The following LYNX1 variants were observed in gnomAD, a reference collection of about 807,000 sequenced individuals.
The protein encoded by LYNX1 is Ly6/neurotoxin 1, also known as ly-6/neurotoxin-like protein 1.
A neutral mutation model predicts 8.3 loss-of-function variants in LYNX1; 8 were observed. The observed-to-expected ratio is 0.97, with a 90% CI of 0.57 to 1.74. The LOEUF (loss-of-function observed/expected upper bound fraction) is 1.74, where lower values mean the gene tolerates loss of function less well. LYNX1 is among the 40% of genes most tolerant of loss of function. The pLI is 0.00. For synonymous variants in LYNX1, 73 were observed against 67.9 expected (o/e 1.08, Z -0.37); for missense variants, 158 against 159.7 (o/e 0.99, Z 0.06).
In LYNX1 at chr8:142,774,150, C is replaced by CGG; in HGVS notation, c.*1016_*1017insCC. On this transcript the variant is annotated 3_prime_UTR_variant, in exon 4 of 4. Coordinates refer to ENST00000652477, the MANE Select transcript of LYNX1 (RefSeq NM_177477.4). ...GGGGGAGGGGCTGGGTCTCCGCCCT[C>CGG]CCCACCCCACCCTCCCCACTCCCGC... is the stretch of plus-strand genomic sequence containing the variant. 7.2e-5 allele frequency: 24 copies of CGG among 332,690 alleles called. No individual in the cohort carries two copies. The highest frequency in any genetic ancestry group is 1.3e-4 in the South Asian group (1 of 7,426). 20.6% of individuals were successfully genotyped at this position (332,690 alleles called of 1,614,324 possible). A position where few individuals can be genotyped will look rare whatever the true frequency, so the allele number is the denominator to read the frequency against.
Position 142,772,798 on chromosome 8 carries a change from G to A in LYNX1, c.*2369C>T. The A allele has an allele frequency of 1.0e-6, 1 of 985,674 alleles. No individual in the cohort carries two copies. Among genetic ancestry groups the A allele is most frequent in the Non-Finnish European group, 1.2e-6 (1 of 830,076 alleles). 61.1% of individuals were successfully genotyped at this position (985,674 alleles called of 1,614,324 possible). A position where few individuals can be genotyped will look rare whatever the true frequency, so the allele number is the denominator to read the frequency against. On this transcript the variant is annotated 3_prime_UTR_variant, in exon 4 of 4. Transcript: ENST00000652477. ...TGGGCCTGCCCAGCATTAGCTGAGT[G>A]CCTTCTGTGTGCTCTACGCCAGGTG...
At position 142,771,679 on chromosome 8, in the gene LYNX1, C is replaced by T. The variant is rs1025998705; in HGVS notation, c.*3488G>A. 2.3e-5 allele frequency: 23 copies of T among 985,852 alleles called. No individual in the cohort carries two copies. The African/African-American group carries it at 4.0e-4, about 17-fold the overall frequency. 61.1% of individuals were successfully genotyped at this position (985,852 alleles called of 1,614,324 possible). On this transcript the variant is annotated 3_prime_UTR_variant, in exon 4 of 4. Transcript: ENST00000652477. ...AGCACCGGCAGAAAAGCTGGCATAT[C>T]CACCGAGGGCCTCTCTGCTTCTTTT...
At position 142,771,505 on chromosome 8, in the gene LYNX1, G is replaced by T. The variant is rs1815175631; in HGVS notation, c.*3662C>A. The T allele has an allele frequency of 1.0e-6, 1 of 985,474 alleles. No homozygotes were observed. The highest frequency in any genetic ancestry group is 1.7e-5 in the African/African-American group (1 of 57,354). 61.0% of individuals were successfully genotyped at this position (985,474 alleles called of 1,614,324 possible). On this transcript the variant is annotated 3_prime_UTR_variant, in exon 4 of 4. Transcript: ENST00000652477. ...CCCCGTGTGTCTCTCGGGCTGCCCAGGTGGCTCTGTCCACCCTTCTGTCTG... is the reference window on the plus strand; with the variant it reads ...CCCCGTGTGTCTCTCGGGCTGCCCATGTGGCTCTGTCCACCCTTCTGTCTG...
rs1563837844 is a variant in LYNX1 at position 142,773,339 on chromosome 8, C to G, written c.*1828G>C. 3.0e-6 allele frequency: 3 copies of G among 985,534 alleles called. No individual in the cohort carries two copies. In the African/African-American group the frequency reaches 5.2e-5, roughly 17 times the overall value. 61.0% of individuals were successfully genotyped at this position (985,534 alleles called of 1,614,324 possible). On this transcript the variant is annotated 3_prime_UTR_variant, in exon 4 of 4. Transcript: ENST00000652477. ...GTCCTGCTCTCCAGGCTTAGGGCTACAGCCACAACCACTGGGGGTAGGGGC... is the reference window on the plus strand; with the variant it reads ...GTCCTGCTCTCCAGGCTTAGGGCTAGAGCCACAACCACTGGGGGTAGGGGC...
rs373637760 is a variant in LYNX1 at position 142,775,701 on chromosome 8, T to C, written c.53-7A>G. On this transcript the variant is annotated splice_polypyrimidine_tract_variant and splice_region_variant and intron_variant, in intron 2 of 3. Transcript: ENST00000652477. The stretch of plus-strand genomic sequence containing the variant: ...TGGCAGTCCAAGGCCTGGGCTGGGG[T>C]TGGCAGATGGGCGGGAAGGGAACGG... 5.7e-6 allele frequency: 9 copies of C among 1,588,634 alleles called. No individual in the cohort carries two copies. In the African/African-American group the frequency reaches 1.1e-4, roughly 19 times the overall value.
Position 142,771,621 on chromosome 8 carries a change from G to T in LYNX1, c.*3546C>A, listed in dbSNP as rs1815180765. Reference sequence around the variant, plus strand: ...CCCTCCCTGCGAGCTGAGGTTTGAAGAGGAGAGCAGACCACCCAGAGTAGT... The same window carrying T: ...CCCTCCCTGCGAGCTGAGGTTTGAATAGGAGAGCAGACCACCCAGAGTAGT... On this transcript the variant is annotated 3_prime_UTR_variant, in exon 4 of 4. Transcript: ENST00000652477. 1.0e-6 allele frequency: 1 copy of T among 985,776 alleles called. No homozygotes were observed. The highest frequency in any genetic ancestry group is 1.2e-6 in the Non-Finnish European group (1 of 829,970). 61.1% of individuals were successfully genotyped at this position (985,776 alleles called of 1,614,324 possible). A position where few individuals can be genotyped will look rare whatever the true frequency, so the allele number is the denominator to read the frequency against.
chr8:142,776,587 C>T (rs1815435146), intron 1 of LYNX1: 1 of 157,316 alleles, frequency 6.4e-6, no homozygotes, highest in African/African-American at 2.4e-5. Context: ...CTCTCTGCTC[C>T]TGGGGTGTCC....
At position 142,773,353 on chromosome 8, in the gene LYNX1, G is replaced by A; in HGVS notation, c.*1814C>T. On this transcript the variant is annotated 3_prime_UTR_variant, in exon 4 of 4. Coordinates refer to ENST00000652477, the MANE Select transcript of LYNX1 (RefSeq NM_177477.4). Reference sequence around the variant, plus strand: ...GCTTAGGGCTACAGCCACAACCACTGGGGGTAGGGGCGAGGGGAGTCCAGG... The same window carrying A: ...GCTTAGGGCTACAGCCACAACCACTAGGGGTAGGGGCGAGGGGAGTCCAGG... 4.1e-6 allele frequency: 4 copies of A among 985,700 alleles called. No homozygotes were observed. The highest frequency in any genetic ancestry group is 4.8e-6 in the Non-Finnish European group (4 of 830,166). 61.1% of individuals were successfully genotyped at this position (985,700 alleles called of 1,614,324 possible). A position where few individuals can be genotyped will look rare whatever the true frequency, so the allele number is the denominator to read the frequency against.
chr8:142,775,853 C>G, intron 2 of LYNX1, 53 bp downstream of exon 2: 2 of 1,607,628 alleles, frequency 1.2e-6, no homozygotes, highest in Non-Finnish European at 1.7e-6. Flanking sequence ...TACTGTCAGC[C>G]CATCTGCCCT....
upstream of LYNX1, among the ~76,000 whole-genome samples, chr8:142,777,526 C>T (rs868777349): frequency 4.6e-5 from 3 of 64,698 alleles, no homozygotes; most frequent in African/African-American, 1.8e-4. Context: ...ACCGCAGGCC[C>T]CGCCCCGGAC....
rs587648205 is a variant in LYNX1 at position 142,772,334 on chromosome 8, T to C, written c.*2833A>G. The C allele has an allele frequency of 2.0e-6, 2 of 985,680 alleles. No homozygotes were observed. Among genetic ancestry groups the C allele is most frequent in the South Asian group, 9.4e-5 (2 of 21,296 alleles). The allele number at this position is 985,680 out of a possible 1,614,324, so 61.1% of individuals were successfully genotyped here. A position where few individuals can be genotyped will look rare whatever the true frequency, so the allele number is the denominator to read the frequency against. The stretch of plus-strand genomic sequence containing the variant: ...CCTCTCCCCCTCTCCTCTGCCACTC[T>C]GCCCTGCACCCAGAGGCAGCGCTGG... On this transcript the variant is annotated 3_prime_UTR_variant, in exon 4 of 4. Coordinates refer to ENST00000652477, the MANE Select transcript of LYNX1 (RefSeq NM_177477.4).
At position 142,775,376 on chromosome 8, in the gene LYNX1, G is replaced by C; in HGVS notation, c.155-13C>G. Reference sequence around the variant, plus strand: ...GTGGGGGTGTAGTCTGCAGAGGGGCGGGGCGGTGAGCCAGCTCCGCTAAGA... The same window carrying C: ...GTGGGGGTGTAGTCTGCAGAGGGGCCGGGCGGTGAGCCAGCTCCGCTAAGA... On this transcript the variant is annotated splice_polypyrimidine_tract_variant and intron_variant, in intron 3 of 3. Coordinates refer to ENST00000652477, the MANE Select transcript of LYNX1 (RefSeq NM_177477.4). 1.2e-6 allele frequency: 2 copies of C among 1,610,840 alleles called. No individual in the cohort carries two copies. Among genetic ancestry groups the C allele is most frequent in the Middle Eastern group, 1.7e-4 (1 of 6,058 alleles).
Position 142,774,145 on chromosome 8 carries a change from G to GCCCGGGGC in LYNX1, c.*1021_*1022insGCCCCGGG. 3.1e-6 allele frequency: 3 copies of GCCCGGGGC among 981,822 alleles called. No individual in the cohort carries two copies. Among genetic ancestry groups the GCCCGGGGC allele is most frequent in the Non-Finnish European group, 3.6e-6 (3 of 827,958 alleles). 60.8% of individuals were successfully genotyped at this position (981,822 alleles called of 1,614,324 possible). ...GCTGCGGGGGAGGGGCTGGGTCTCC[G>GCCCGGGGC]CCCTCCCCACCCCACCCTCCCCACT... On this transcript the variant is annotated 3_prime_UTR_variant, in exon 4 of 4. Coordinates refer to ENST00000652477, the MANE Select transcript of LYNX1 (RefSeq NM_177477.4).
In LYNX1 at chr8:142,773,745, C is replaced by T. The variant is rs1209879002; in HGVS notation, c.*1422G>A. 2.5e-5 allele frequency: 25 copies of T among 985,222 alleles called. No individual in the cohort carries two copies. Among genetic ancestry groups the T allele is most frequent in the Admixed American group, 1.8e-4 (3 of 16,268 alleles). The allele number at this position is 985,222 out of a possible 1,614,324, so 61.0% of individuals were successfully genotyped here. On this transcript the variant is annotated 3_prime_UTR_variant, in exon 4 of 4. Transcript: ENST00000652477. Reference sequence around the variant, plus strand: ...AATTTCCAGCAGGGGCTCCCCTGACCAGGGCCATACTTTGGGGCCGGGACA... The same window carrying T: ...AATTTCCAGCAGGGGCTCCCCTGACTAGGGCCATACTTTGGGGCCGGGACA...
In LYNX1 at chr8:142,772,392, C is replaced by T. The variant is rs1815220624; in HGVS notation, c.*2775G>A. ...ACTCTACCACTCAGGGCTTCTCAAA[C>T]CTCTGGTTCCACTTTTCTCCTTTTA... is the stretch of plus-strand genomic sequence containing the variant. On this transcript the variant is annotated 3_prime_UTR_variant, in exon 4 of 4. Transcript: ENST00000652477. 3 of 985,420 alleles carry T rather than the reference C, an allele frequency of 3.0e-6. No homozygotes were observed. The South Asian group carries it at 1.4e-4, about 46-fold the overall frequency. The allele number at this position is 985,420 out of a possible 1,614,324, so 61.0% of individuals were successfully genotyped here.
chr8:142,774,318 G>C lies in LYNX1; in HGVS notation c.*849C>G, dbSNP rs1815309805. The stretch of plus-strand genomic sequence containing the variant: ...CCTTGCTCGGCTGGGTCCTGCTGTG[G>C]TTGGGGACCAGGACTCGGGGGACCA... On this transcript the variant is annotated 3_prime_UTR_variant, in exon 4 of 4. Coordinates refer to ENST00000652477, the MANE Select transcript of LYNX1 (RefSeq NM_177477.4). The C allele has an allele frequency of 2.0e-6, 2 of 985,852 alleles. No individual in the cohort carries two copies. Among genetic ancestry groups the C allele is most frequent in the Admixed American group, 6.1e-5 (1 of 16,284 alleles). The allele number at this position is 985,852 out of a possible 1,614,324, so 61.1% of individuals were successfully genotyped here.
chr8:142,771,666 A>G lies in LYNX1; in HGVS notation c.*3501T>C. 3 of 985,836 alleles carry G rather than the reference A, an allele frequency of 3.0e-6. No homozygotes were observed. The highest frequency in any genetic ancestry group is 3.6e-6 in the Non-Finnish European group (3 of 829,958). 61.1% of individuals were successfully genotyped at this position (985,836 alleles called of 1,614,324 possible). A position where few individuals can be genotyped will look rare whatever the true frequency, so the allele number is the denominator to read the frequency against. ...AGTAGTGGGAGAAAGCACCGGCAGA[A>G]AAGCTGGCATATCCACCGAGGGCCT... On this transcript the variant is annotated 3_prime_UTR_variant, in exon 4 of 4. Coordinates refer to ENST00000652477, the MANE Select transcript of LYNX1 (RefSeq NM_177477.4).
At position 142,775,305 on chromosome 8, in the gene LYNX1, A is replaced by G. The variant is rs149289306; in HGVS notation, c.213T>C (p.Thr71=). The G allele has an allele frequency of 5.6e-6, 9 of 1,613,846 alleles. No individual in the cohort carries two copies. The African/African-American group carries it at 1.1e-4, about 19-fold the overall frequency. The change falls in exon 4 of 4, where the codon ACT becomes ACC. Residue 71 remains threonine, a synonymous_variant. Coordinates refer to ENST00000652477, the MANE Select transcript of LYNX1 (RefSeq NM_177477.4). Reference sequence around the variant, plus strand: ...CGTGCTTGGAGTAGCCATCATACACAGTCTCGAAGCAGCGGGGCACGCAGG... The same window carrying G: ...CGTGCTTGGAGTAGCCATCATACACGGTCTCGAAGCAGCGGGGCACGCAGG... ...SKSCVPRCFE[T]VYDGYSKHAS... is the part of the protein sequence containing the mutation.
upstream of LYNX1, chr8:142,777,682 C>T (rs1815486067): frequency 1.3e-5 from 5 of 396,966 alleles, no homozygotes; most frequent in East Asian, 1.4e-4. Flanking sequence ...CGCTGGGACC[C>T]CGAGGCCAGT....
Sources: allele counts gnomAD v4.1 joint callset (sites outside exome capture counted in the v4.1 genomes callset), GRCh38; gene constraint gnomAD v4.1.1; transcripts MANE v1.5; gene names NCBI Gene and HGNC (gene_info 2026-07-23, HGNC 2026-07-21).